The following ROR2 variants were observed in gnomAD, a reference collection of about 807,000 sequenced individuals.
The protein encoded by ROR2 is ROR family WNT receptor 2.
In ROR2, 33 loss-of-function variants were observed where a neutral mutation model predicts 74.9. The ratio of observed to expected loss-of-function variants is 0.44; its 90% CI spans 0.33 to 0.59. The LOEUF (loss-of-function observed/expected upper bound fraction) is 0.59, where lower values mean the gene tolerates loss of function less well. Among genes scored for constraint, ROR2 ranks in the 20% least tolerant of loss-of-function variants. The pLI is 0.02. For missense variants in ROR2, 1,216 were observed against 1,313.8 expected, an observed-to-expected ratio of 0.93 and a Z score of 1.15; for synonymous variants, 586 against 558.7, an observed-to-expected ratio of 1.05 and a Z score of -0.69.
intron 1 of ROR2, among the ~76,000 whole-genome samples, chr9:91,891,225 T>C (rs937939583): frequency 6.6e-6 from 1 of 151,618 alleles, no homozygotes; most frequent in Non-Finnish European, 1.5e-5. Context: ...CAGCTAAAAA[T>C]CAAGTTGTCA....
intron 1 of ROR2, among the ~76,000 whole-genome samples, chr9:91,902,193 G>C (rs1830692920): frequency 6.6e-6 from 1 of 152,172 alleles, no homozygotes; most frequent in South Asian, 2.1e-4. Flanking sequence ...CAACAAAGAA[G>C]AGGAAGGAGA....
At chr9:91,869,057 A>AT (rs893228309) in intron 1 of ROR2, among the ~76,000 whole-genome samples, 73 of 150,492 alleles carry the variant, frequency 4.9e-4, no homozygotes, top group African/African-American at 9.5e-4. Context: ...ACGTGAATAT[A>AT]TTTTTTTTTT....
At chr9:91,850,635 T>C (rs556639001) in intron 1 of ROR2, among the ~76,000 whole-genome samples, 2 of 152,352 alleles carry the variant, frequency 1.3e-5, no homozygotes, top group African/African-American at 4.8e-5. Flanking sequence ...GCTAGACTTC[T>C]GGCCTGCAGA....
chr9:91,725,377 C>A (rs1187049345), intron 8 of ROR2, among the ~76,000 whole-genome samples: 1 of 152,298 alleles, frequency 6.6e-6, no homozygotes, highest in African/African-American at 2.4e-5. Context: ...CAAAATCCAG[C>A]TGGGACACAC....
intron 1 of ROR2, among the ~76,000 whole-genome samples, chr9:91,812,537 T>C (rs1415690552): frequency 6.7e-6 from 1 of 149,712 alleles, no homozygotes; most frequent in African/African-American, 2.4e-5. Context: ...GGCACACACG[T>C]GTGTGTGGCC....
At chr9:91,872,736 T>C (rs1045377839) in intron 1 of ROR2, among the ~76,000 whole-genome samples, 2 of 152,196 alleles carry the variant, frequency 1.3e-5, no homozygotes, top group African/African-American at 2.4e-5. Context: ...AGAACTCCCT[T>C]AGCAGCTCTT....
chr9:91,904,342 T>A (rs1830756624), intron 1 of ROR2, among the ~76,000 whole-genome samples: 1 of 152,180 alleles, frequency 6.6e-6, no homozygotes, highest in Non-Finnish European at 1.5e-5. Context: ...GACCTGAGGA[T>A]GCCACAAGTT....
chr9:91,823,968 G>A (rs1417441738), intron 1 of ROR2, among the ~76,000 whole-genome samples: 3 of 152,220 alleles, frequency 2.0e-5, no homozygotes, highest in African/African-American at 4.8e-5. Flanking sequence ...CCATGCCTGT[G>A]CTCAGAGTCA....
chr9:91,838,721 A>T (rs1288920413), intron 1 of ROR2, among the ~76,000 whole-genome samples: 1 of 152,010 alleles, frequency 6.6e-6, no homozygotes, highest in Non-Finnish European at 1.5e-5. Flanking sequence ...GGAAAATAGG[A>T]TCTCTCCCGT....
intron 1 of ROR2, among the ~76,000 whole-genome samples, chr9:91,906,087 C>T (rs908620401): frequency 6.6e-6 from 1 of 151,980 alleles, no homozygotes; most frequent in Non-Finnish European, 1.5e-5. Context: ...GGTTTTTAAA[C>T]CACACCAAAA....
intron 1 of ROR2, among the ~76,000 whole-genome samples, chr9:91,933,400 GAT>G (rs1831603965): frequency 6.6e-6 from 1 of 152,096 alleles, no homozygotes; most frequent in South Asian, 2.1e-4. Context: ...TATGTTTACA[GAT>G]GTTCACTACA....
intron 1 of ROR2, among the ~76,000 whole-genome samples, chr9:91,836,658 C>A (rs1333462263): frequency 6.6e-6 from 1 of 152,262 alleles, no homozygotes; most frequent in Non-Finnish European, 1.5e-5. Context: ...CCCTGCCCCA[C>A]CCCCGGTCTG....
chr9:91,867,656 CTG>C (rs57475950), intron 1 of ROR2, among the ~76,000 whole-genome samples: 2,654 of 131,216 alleles, frequency 0.02, 24 homozygotes, highest in East Asian at 0.026. Flanking sequence ...CACCCATGAG[CTG>C]TGTGTGTGTG....
intron 1 of ROR2, among the ~76,000 whole-genome samples, chr9:91,890,856 C>T (rs1056132262): frequency 6.6e-6 from 1 of 152,156 alleles, no homozygotes; most frequent in Non-Finnish European, 1.5e-5. Flanking sequence ...GCCTATTTTG[C>T]TAATGTCAGC....
rs955638332 is a variant in ROR2, at chr9:91,733,068, G to A, written c.937+54C>T. 3 of 1,501,600 alleles carry A rather than the reference G, an allele frequency of 2.0e-6. No homozygotes were observed. The African/African-American group carries it at 4.2e-5, about 21-fold the overall frequency. 93.0% of individuals were successfully genotyped at this position (1,501,600 alleles called of 1,614,324 possible). A position where few individuals can be genotyped will look rare whatever the true frequency, so the allele number is the denominator to read the frequency against. On this transcript the variant is annotated intron_variant, in intron 6 of 8. Coordinates refer to ENST00000375708, the MANE Select transcript of ROR2 (RefSeq NM_004560.4). This position sits in a 1 kb window ranked among gnomAD's most constrained non-coding sequence, Gnocchi z 5.7. The stretch of plus-strand genomic sequence containing the variant: ...ACCGACACCCCCATACACATTTCAA[G>A]GGCCCTACACTCCCTGCGCCCCCCG...
chr9:91,883,371 C>A (rs777530742), intron 1 of ROR2: 6 of 152,216 alleles, frequency 3.9e-5, no homozygotes, highest in Non-Finnish European at 7.3e-5. Flanking sequence ...GTTTCCCACT[C>A]ACATTTTCTT....
intron 1 of ROR2, among the ~76,000 whole-genome samples, chr9:91,931,347 T>TTA (rs1831544472): frequency 6.6e-6 from 1 of 152,190 alleles, no homozygotes; most frequent in African/African-American, 2.4e-5. Context: ...TTTAAAATGA[T>TTA]TAAGAGTAGA....
intron 1 of ROR2, among the ~76,000 whole-genome samples, chr9:91,939,513 A>T (rs1183131195): frequency 6.6e-6 from 1 of 152,042 alleles, no homozygotes; most frequent in Non-Finnish European, 1.5e-5. Flanking sequence ...GCCTGACTGT[A>T]CCTTTTGTCC....
At chr9:91,818,998 AC>A (rs1248685049) in intron 1 of ROR2, among the ~76,000 whole-genome samples, 10 of 152,184 alleles carry the variant, frequency 6.6e-5, no homozygotes, top group African/African-American at 2.4e-4. Context: ...CCCAAGAAGA[AC>A]CCACGGTCCC....
Sources: allele counts gnomAD v4.1 joint callset (sites outside exome capture counted in the v4.1 genomes callset), GRCh38; gene constraint gnomAD v4.1.1; non-coding constraint Gnocchi (gnomAD v3.1); transcripts MANE v1.5; gene names NCBI Gene and HGNC (gene_info 2026-07-23, HGNC 2026-07-21).